The following VPS54 variants were observed in gnomAD, a reference collection of about 807,000 sequenced individuals.
The protein encoded by VPS54 is vacuolar protein sorting-associated protein 54.
A neutral mutation model predicts 121.5 loss-of-function variants in VPS54; 45 were observed. The observed-to-expected ratio is 0.37, with a 90% CI of 0.29 to 0.47. VPS54 has a LOEUF of 0.47. Among genes scored for constraint, VPS54 ranks in the 20% least tolerant of loss-of-function variants. The probability of loss-of-function intolerance (pLI) is 0.99; values close to 1 mark genes in which losing one functional copy is unlikely to be tolerated. For missense variants in VPS54, 1,090 were observed against 1,131.4 expected, an observed-to-expected ratio of 0.96 and a Z score of 0.52; for synonymous variants, 371 against 385.8, an observed-to-expected ratio of 0.96 and a Z score of 0.45.
At chr2:63,970,943 A>T (rs1676257920) in intron 4 of VPS54, among the ~76,000 whole-genome samples, 1 of 152,054 alleles carries the variant, frequency 6.6e-6, no homozygotes, top group Admixed American at 6.5e-5. Context: ...CTTCAGCCTA[A>T]ATCTTCAACC....
chr2:63,952,956 T>G (rs1675322200), intron 7 of VPS54, among the ~76,000 whole-genome samples: 1 of 152,006 alleles, frequency 6.6e-6, no homozygotes, highest in Non-Finnish European at 1.5e-5. Flanking sequence ...TGCTGACCAA[T>G]GGAGAATGGT....
At chr2:63,906,308 T>C (rs772124415) in intron 20 of VPS54, among the ~76,000 whole-genome samples, 2 of 152,162 alleles carry the variant, frequency 1.3e-5, no homozygotes, top group Non-Finnish European at 2.9e-5. Flanking sequence ...TTGTAACTAA[T>C]ATGTGAGTTT....
At chr2:63,914,401 A>T in intron 16 of VPS54, 114 bp from the exon 17 acceptor site, 1 of 702,696 alleles carries the variant, frequency 1.4e-6, no homozygotes, top group Non-Finnish European at 2.5e-6. Flanking sequence ...GAATATAATG[A>T]CCTTGGTAAC....
At chr2:63,996,365 C>A (rs1287278579) in intron 1 of VPS54, among the ~76,000 whole-genome samples, 1 of 152,186 alleles carries the variant, frequency 6.6e-6, no homozygotes, top group Admixed American at 6.5e-5. Flanking sequence ...TTACTTTAAT[C>A]TCTTAATCCC....
intron 12 of VPS54, among the ~76,000 whole-genome samples, chr2:63,923,817 C>A (rs1415900338): frequency 3.9e-5 from 6 of 152,190 alleles, no homozygotes; most frequent in Admixed American, 2.0e-4. Flanking sequence ...TAGGGAAAAT[C>A]TACCACTAAC....
chr2:63,951,367 G>A (rs1385477957), intron 7 of VPS54, among the ~76,000 whole-genome samples: 1 of 151,902 alleles, frequency 6.6e-6, no homozygotes, highest in African/African-American at 2.4e-5. Context: ...TGGGTCCCAT[G>A]GTGTTATTTA....
At chr2:63,996,875 T>G (rs1464245779) in intron 1 of VPS54, among the ~76,000 whole-genome samples, 2 of 152,160 alleles carry the variant, frequency 1.3e-5, no homozygotes, top group Non-Finnish European at 2.9e-5. Context: ...CCATTTGCCT[T>G]GTGATATTTT....
At position 63,892,443 on chromosome 2, in the gene VPS54, C is replaced by G. The variant is rs1672259798; in HGVS notation, c.*987G>C. 6.6e-6 allele frequency: 1 copy of G among 152,462 alleles called. No homozygotes were observed. The highest frequency in any genetic ancestry group is 2.4e-5 in the African/African-American group (1 of 41,422). The allele number at this position is 152,462 out of a possible 1,614,324, so 9.4% of individuals were successfully genotyped here. A position where few individuals can be genotyped will look rare whatever the true frequency, so the allele number is the denominator to read the frequency against. ...CACCTTATTTCTGGCCCCAACACAG[C>G]AGCCTATAGTTTTAAAAGTTCTGTT... On this transcript the variant is annotated 3_prime_UTR_variant, in exon 23 of 23. Transcript: ENST00000272322.
chr2:64,004,391 T>C (rs1474646345), intron 1 of VPS54, among the ~76,000 whole-genome samples: 3 of 152,166 alleles, frequency 2.0e-5, no homozygotes, highest in Non-Finnish European at 2.9e-5. Context: ...CGCCTAAGTA[T>C]TACCTCACAG....
At chr2:63,923,465 C>T (rs1673743815) in intron 12 of VPS54, among the ~76,000 whole-genome samples, 1 of 152,114 alleles carries the variant, frequency 6.6e-6, no homozygotes, top group African/African-American at 2.4e-5. Context: ...TTTATATGTA[C>T]ACTCAAGTTC....
chr2:63,905,153 C>G (rs1365238487), intron 20 of VPS54, among the ~76,000 whole-genome samples: 1 of 151,928 alleles, frequency 6.6e-6, no homozygotes, highest in Admixed American at 6.6e-5. Flanking sequence ...AATTAGAAAA[C>G]AGCAAATTAA....
At chr2:63,948,029 C>G (rs1032741409) in intron 8 of VPS54, among the ~76,000 whole-genome samples, 2 of 152,112 alleles carry the variant, frequency 1.3e-5, no homozygotes, top group African/African-American at 2.4e-5. Context: ...TGTAGACTCA[C>G]TGTGTTGCCC....
intron 20 of VPS54, among the ~76,000 whole-genome samples, chr2:63,906,783 C>A (rs968057112): frequency 6.6e-6 from 1 of 152,218 alleles, no homozygotes; most frequent in South Asian, 2.1e-4. Context: ...TTCACCCCAA[C>A]TGATCTATAC....
At chr2:63,986,841 T>C (rs1240638101) in intron 1 of VPS54, among the ~76,000 whole-genome samples, 1 of 152,236 alleles carries the variant, frequency 6.6e-6, no homozygotes, top group Non-Finnish European at 1.5e-5. Flanking sequence ...TGATGATAAA[T>C]ACACCCATGT....
At chr2:63,944,683 A>T (rs1184865621) in intron 9 of VPS54, 28 bp from the exon 10 acceptor site, 1 of 1,559,534 alleles carries the variant, frequency 6.4e-7, no homozygotes, top group African/African-American at 1.4e-5. Context: ...AAACAAAAAC[A>T]ATTTGATTAA....
chr2:63,900,172 A>T (rs1371037018), intron 20 of VPS54, among the ~76,000 whole-genome samples: 1 of 142,312 alleles, frequency 7.0e-6, no homozygotes, highest in South Asian at 2.2e-4. Context: ...GTGAGCCAAG[A>T]TCGCACCACT....
At chr2:63,959,047 A>C (rs980209135) in intron 7 of VPS54, among the ~76,000 whole-genome samples, 1 of 152,228 alleles carries the variant, frequency 6.6e-6, no homozygotes, top group Non-Finnish European at 1.5e-5. Context: ...ACCATAAGAG[A>C]TCTCTAATAC....
At chr2:63,993,776 T>C (rs147908458) in intron 1 of VPS54, among the ~76,000 whole-genome samples, 1,887 of 152,350 alleles carry the variant, frequency 0.012, 17 homozygotes, top group Non-Finnish European at 0.015. Flanking sequence ...GGTCCCTCGA[T>C]TGACCAAAGA....
intron 1 of VPS54, among the ~76,000 whole-genome samples, chr2:63,985,722 ATAGT>A (rs1677021412): frequency 1.4e-5 from 2 of 147,292 alleles, no homozygotes; most frequent in African/African-American, 2.5e-5. Flanking sequence ...CACACACAGT[ATAGT>A]TAAATTGTAG....
Sources: allele counts gnomAD v4.1 joint callset (sites outside exome capture counted in the v4.1 genomes callset), GRCh38; gene constraint gnomAD v4.1.1; transcripts MANE v1.5; gene names NCBI Gene and HGNC (gene_info 2026-07-23, HGNC 2026-07-21).